HSPA4: variants seen among roughly 807,000 people sequenced by gnomAD.
HSPA4 encodes heat shock protein family A (Hsp70) member 4.
Under a neutral mutation model 106.2 loss-of-function variants are expected in HSPA4, and 25 were observed. The ratio of observed to expected loss-of-function variants is 0.24; its 90% confidence interval spans 0.17 to 0.33. The LOEUF (loss-of-function observed/expected upper bound fraction) is 0.33, where lower values mean the gene tolerates loss of function less well. Among genes scored for constraint, HSPA4 ranks in the 10% least tolerant of loss-of-function variants. The pLI is 1.00. For missense variants in HSPA4, 841 were observed against 996.0 expected, an observed-to-expected ratio of 0.84 and a Z score of 2.10; for synonymous variants, 332 against 333.6, an observed-to-expected ratio of 1.00 and a Z score of 0.05.
intron 4 of HSPA4, 45 bp downstream of exon 4, chr5:133,070,541 CAGAG>C: frequency 1.2e-6 from 2 of 1,602,008 alleles, no homozygotes; most frequent in South Asian, 1.1e-5. Context: ...CATGAAGAAG[CAGAG>C]AGAAGAAAGC....
At chr5:133,078,719 A>G (rs962527470) in intron 7 of HSPA4, among the ~76,000 whole-genome samples, 2 of 149,958 alleles carry the variant, frequency 1.3e-5, no homozygotes, top group African/African-American at 4.9e-5. Flanking sequence ...TATAGCCTTC[A>G]TTTAGTGTGA....
chr5:133,092,329 G>A (rs143236409), intron 12 of HSPA4, among the ~76,000 whole-genome samples: 184 of 152,302 alleles, frequency 1.2e-3, no homozygotes, highest in African/African-American at 4.2e-3. Flanking sequence ...TGGAACTTTT[G>A]AGAGAAAATA....
At position 133,099,522 on chromosome 5, in the gene HSPA4, TATA is replaced by T; in HGVS notation, c.1930-19_1930-17del. 8.1e-7 allele frequency: 1 copy of T among 1,229,070 alleles called. No homozygotes were observed. The highest frequency in any genetic ancestry group is 1.2e-6 in the Non-Finnish European group (1 of 835,504). 76.1% of individuals were successfully genotyped at this position (1,229,070 alleles called of 1,614,324 possible). On this transcript the variant is annotated intron_variant, in intron 15 of 18. Coordinates refer to ENST00000304858, the MANE Select transcript of HSPA4 (RefSeq NM_002154.4). ...GGATGTAATTTTTGATTGACCTAAT[TATA>T]ATATTTTCTTTATCATTAGGATCGT...
At chr5:133,093,413 A>G (rs2126713386) in intron 13 of HSPA4, among the ~76,000 whole-genome samples, 1 of 152,302 alleles carries the variant, frequency 6.6e-6, no homozygotes, top group East Asian at 1.9e-4. Flanking sequence ...TCTACCCATA[A>G]TTTAATTCAT....
chr5:133,088,430 G>A lies in HSPA4; in HGVS notation c.1012G>A (p.Val338Met). The A allele has an allele frequency of 6.2e-7, 1 of 1,611,398 alleles. No individual in the cohort carries two copies. Among genetic ancestry groups the A allele is most frequent in the Non-Finnish European group, 8.5e-7 (1 of 1,177,538 alleles). ...GTTAAAGAAAGAAGATATTTATGCA[G>A]TGGAGATAGTTGGTGGTGCTACACG... ...TKLKKEDIYA[V>M]EIVGGATRIP... The change falls in exon 9 of 19, where the codon GTG becomes ATG. Residue 338 changes from valine (V) to methionine (M), a missense_variant. By Grantham distance (21) the Val-to-Met change is conservative. This residue lies in a region of HSPA4 where 347 missense variants were observed against 408.7 expected (regional missense o/e 0.85). Transcript: ENST00000304858.
At chr5:133,075,014 A>G (rs1422401099) in intron 6 of HSPA4, among the ~76,000 whole-genome samples, 1 of 152,210 alleles carries the variant, frequency 6.6e-6, no homozygotes, top group African/African-American at 2.4e-5. Context: ...GTGGAGAGGG[A>G]TTACCCCAAA....
chr5:133,061,600 T>G (rs1043620851), intron 1 of HSPA4, among the ~76,000 whole-genome samples: 1 of 151,844 alleles, frequency 6.6e-6, no homozygotes, highest in African/African-American at 2.4e-5. Context: ...CAAGTCCAGT[T>G]TTAAGAGGTA....
At chr5:133,059,423 G>C (rs1020317776) in intron 1 of HSPA4, among the ~76,000 whole-genome samples, 2 of 151,544 alleles carry the variant, frequency 1.3e-5, no homozygotes, top group Non-Finnish European at 2.9e-5. Context: ...ATCCAGCCTG[G>C]GTGACAAGAG....
In HSPA4 at chr5:133,104,282, T is replaced by C. The variant is rs1325763260; in HGVS notation, c.2369T>C (p.Val790Ala). Residue 790 changes from valine to alanine, a missense_variant, in exon 19 of 19, where the codon GTG (valine) becomes GCG (alanine). By Grantham distance (64) the Val-to-Ala change is moderately conservative (BLOSUM62 0). Coordinates refer to ENST00000304858, the MANE Select transcript of HSPA4 (RefSeq NM_002154.4). ...ATAATTTCAAAGCCCAAACCCAAAGTGGAACCTCCAAAAGAGGAACAAAAA... is the reference window on the plus strand; with the variant it reads ...ATAATTTCAAAGCCCAAACCCAAAGCGGAACCTCCAAAAGAGGAACAAAAA... ...SPIISKPKPK[V>A]EPPKEEQKNA... The C allele has an allele frequency of 6.2e-7, 1 of 1,614,056 alleles. No homozygotes were observed. The highest frequency in any genetic ancestry group is 8.5e-7 in the Non-Finnish European group (1 of 1,180,004).
chr5:133,083,311 C>CA (rs1445088779), intron 7 of HSPA4, among the ~76,000 whole-genome samples: 5 of 151,910 alleles, frequency 3.3e-5, no homozygotes, highest in South Asian at 2.1e-4. Flanking sequence ...GACTCCATCT[C>CA]AAAAAAACAA....
chr5:133,071,819 G>T (rs1263264367), intron 4 of HSPA4, among the ~76,000 whole-genome samples: 2 of 152,140 alleles, frequency 1.3e-5, no homozygotes, highest in Admixed American at 1.3e-4. Flanking sequence ...ACCATTCTGG[G>T]GGTGGGCTTT....
In HSPA4 at chr5:133,105,497, T is replaced by A. The variant is rs1041783625; in HGVS notation, c.*1061T>A. 3 of 152,200 alleles carry A rather than the reference T, an allele frequency of 2.0e-5. No homozygotes were observed. Among genetic ancestry groups the A allele is most frequent in the Non-Finnish European group, 4.4e-5 (3 of 68,056 alleles). The allele number at this position is 152,200 out of a possible 1,614,324, so 9.4% of individuals were successfully genotyped here. On this transcript the variant is annotated 3_prime_UTR_variant, in exon 19 of 19. Coordinates refer to ENST00000304858, the MANE Select transcript of HSPA4 (RefSeq NM_002154.4). ...AGTGTTAAAGAAGTGTGGTGCCTGA[T>A]GTTATAACAACACCTCATTCTTAAC...
In HSPA4 at chr5:133,052,219, C is replaced by A; in HGVS notation, c.-32C>A. 2 of 1,491,578 alleles carry A rather than the reference C, an allele frequency of 1.3e-6. No homozygotes were observed. The highest frequency in any genetic ancestry group is 1.8e-6 in the Non-Finnish European group (2 of 1,100,646). The allele number at this position is 1,491,578 out of a possible 1,614,324, so 92.4% of individuals were successfully genotyped here. On this transcript the variant is annotated 5_prime_UTR_variant, in exon 1 of 19. Transcript: ENST00000304858. ...TCCGTGTCCTGTCTCGGTGGCCGGA[C>A]CCGGGCCCGAGCCCGAGCAGTAGCC...
intron 7 of HSPA4, among the ~76,000 whole-genome samples, chr5:133,080,526 A>G (rs982173906): frequency 7.3e-5 from 11 of 150,474 alleles, no homozygotes; most frequent in African/African-American, 2.7e-4. Context: ...TTTTCATTAT[A>G]TAGTTTGACA....
chr5:133,056,667 A>T (rs986809340), intron 1 of HSPA4, among the ~76,000 whole-genome samples: 1 of 152,232 alleles, frequency 6.6e-6, no homozygotes, highest in Admixed American at 6.5e-5. Flanking sequence ...GTAGCCTTAC[A>T]TATTTATGTT....
intron 6 of HSPA4, chr5:133,076,019 T>A (rs1765442878): frequency 6.6e-6 from 1 of 152,236 alleles, no homozygotes; most frequent in South Asian, 2.1e-4. Flanking sequence ...TTGAAGAGAT[T>A]GTTTTTACTG....
intron 2 of HSPA4, among the ~76,000 whole-genome samples, chr5:133,066,736 C>CTTT (rs58483780): frequency 3.1e-5 from 4 of 129,422 alleles, no homozygotes; most frequent in Admixed American, 8.0e-5. Flanking sequence ...TTTCTTTTTT[C>CTTT]TTTTTTTTTT....
At chr5:133,072,766 A>C (rs1298518848) in intron 4 of HSPA4, among the ~76,000 whole-genome samples, 3 of 152,056 alleles carry the variant, frequency 2.0e-5, no homozygotes, top group South Asian at 2.1e-4. Context: ...CATGAACCAA[A>C]ATTCCAACTC....
intron 7 of HSPA4, among the ~76,000 whole-genome samples, chr5:133,082,741 G>A (rs931325244): frequency 5.3e-5 from 8 of 152,170 alleles, no homozygotes; most frequent in Non-Finnish European, 8.8e-5. Context: ...GATTACAGGT[G>A]TGAGCCACCT....
Sources: gnomAD v4.1 joint callset for allele counts (sites outside exome capture counted in the v4.1 genomes callset) on GRCh38, gnomAD v4.1.1 for gene constraint, gnomAD v4.1.1 regional missense constraint, MANE v1.5 for transcripts, NCBI Gene and HGNC (gene_info 2026-07-23, HGNC 2026-07-21) for gene names.